The following SPATA13 variants were observed in gnomAD, a reference collection of about 807,000 sequenced individuals.
The protein encoded by SPATA13 is spermatogenesis associated 13.
In SPATA13, 50 loss-of-function variants were observed where a neutral mutation model predicts 104.0. That is an observed-to-expected ratio of 0.48 (90% confidence interval 0.38 to 0.61). SPATA13 has a LOEUF of 0.61. Ranked by LOEUF, SPATA13 falls within the 20% of genes least tolerant of loss-of-function variation. SPATA13 has a pLI of 0.00. For missense variants in SPATA13, 1,524 were observed against 1,690.6 expected (o/e 0.90, Z 1.73); for synonymous variants, 606 against 667.5 (o/e 0.91, Z 1.42).
At chr13:24,295,569 G>A (rs1193011121) in intron 10 of SPATA13, among the ~76,000 whole-genome samples, 1 of 151,920 alleles carries the variant, frequency 6.6e-6, no homozygotes, top group Non-Finnish European at 1.5e-5. Flanking sequence ...CCGTGATCGT[G>A]CCCCTGCACT....
chr13:24,142,018 T>C (rs1881778969), intron 3 of SPATA13, among the ~76,000 whole-genome samples: 1 of 152,102 alleles, frequency 6.6e-6, no homozygotes. Context: ...TTTCCTTTTT[T>C]CCAGAAACAA....
intron 4 of SPATA13, chr13:24,278,928 CTTTCCT>C (rs1875239804): frequency 1.0e-6 from 1 of 967,214 alleles, no homozygotes; most frequent in Admixed American, 4.1e-5. Flanking sequence ...TTCCTTCCCT[CTTTCCT>C]TCCTTCCTTC....
intron 9 of SPATA13, among the ~76,000 whole-genome samples, chr13:24,292,250 G>A (rs1040223892): frequency 6.6e-6 from 1 of 152,228 alleles, no homozygotes; most frequent in African/African-American, 2.4e-5. Context: ...ATTGGAATGT[G>A]CATGCCCATT....
At chr13:24,246,083 T>C (rs1261357776) in intron 2 of SPATA13, among the ~76,000 whole-genome samples, 2 of 152,146 alleles carry the variant, frequency 1.3e-5, no homozygotes, top group Non-Finnish European at 2.9e-5. Flanking sequence ...GTCACGTAAG[T>C]GTAAAACCAA....
intron 3 of SPATA13, among the ~76,000 whole-genome samples, chr13:24,127,967 A>AT (rs1881273606): frequency 6.6e-6 from 1 of 152,236 alleles, no homozygotes; most frequent in South Asian, 2.1e-4. Flanking sequence ...TTTACAGTAA[A>AT]TGACAGCAAA....
intron 3 of SPATA13, among the ~76,000 whole-genome samples, chr13:24,129,201 G>T (rs936563735): frequency 5.3e-5 from 8 of 152,232 alleles, no homozygotes; most frequent in African/African-American, 1.9e-4. Flanking sequence ...GCTAGTGTCG[G>T]GTGGGTTTCC....
intron 1 of SPATA13, among the ~76,000 whole-genome samples, chr13:24,198,191 C>T (rs1006921170): frequency 6.6e-6 from 1 of 152,166 alleles, no homozygotes; most frequent in African/African-American, 2.4e-5. Flanking sequence ...GACGGGGTTT[C>T]ACTGTGTTGG....
At chr13:24,290,909 A>G in intron 9 of SPATA13, 25 bp downstream of exon 9, 1 of 1,585,376 alleles carries the variant, frequency 6.3e-7, no homozygotes, top group Non-Finnish European at 8.6e-7. Flanking sequence ...TAAGGGGCAC[A>G]GGTGAGAGCA....
intron 3 of SPATA13, among the ~76,000 whole-genome samples, chr13:24,139,297 A>G (rs970164897): frequency 1.3e-5 from 2 of 152,282 alleles, no homozygotes; most frequent in Admixed American, 1.3e-4. Context: ...ACTGGACTAC[A>G]TCTGCAGGGA....
intron 3 of SPATA13, among the ~76,000 whole-genome samples, chr13:24,137,768 A>G (rs1460828479): frequency 6.6e-6 from 1 of 152,112 alleles, no homozygotes; most frequent in East Asian, 1.9e-4. Context: ...CTGTCTCTCC[A>G]AAAAAACCCA....
chr13:24,269,100 C>T (rs1874427718), intron 4 of SPATA13, among the ~76,000 whole-genome samples: 1 of 152,160 alleles, frequency 6.6e-6, no homozygotes, highest in South Asian at 2.1e-4. Context: ...AGCGTGACGG[C>T]TAACATTTAT....
intron 3 of SPATA13, among the ~76,000 whole-genome samples, chr13:24,093,617 T>TG (rs1318466865): frequency 6.6e-6 from 1 of 152,180 alleles, no homozygotes; most frequent in Admixed American, 6.5e-5. Flanking sequence ...GGACCAATTG[T>TG]GGGGAGAGGC....
intron 1 of SPATA13, among the ~76,000 whole-genome samples, chr13:24,219,744 G>C (rs972087168): frequency 2.6e-5 from 4 of 152,208 alleles, no homozygotes; most frequent in Non-Finnish European, 5.9e-5. Context: ...CCTGGGGAAG[G>C]AGACACCTGC....
At chr13:24,171,359 G>A (rs922099712) in intron 1 of SPATA13, among the ~76,000 whole-genome samples, 1 of 152,210 alleles carries the variant, frequency 6.6e-6, no homozygotes, top group African/African-American at 2.4e-5. Flanking sequence ...AACACCTGCT[G>A]CTTCCATGGG....
At position 24,249,595 on chromosome 13, in the gene SPATA13, C is replaced by T. The variant is rs1873359573; in HGVS notation, c.1772C>T (p.Ser591Phe). The T allele has an allele frequency of 6.2e-7, 1 of 1,613,926 alleles. No homozygotes were observed. Among genetic ancestry groups the T allele is most frequent in the African/African-American group, 1.3e-5 (1 of 74,946 alleles). ...SGRRPRPRPFSDYGQLASRSL... is the reference protein window; with the variant it reads ...SGRRPRPRPFFDYGQLASRSL... Reference sequence around the variant, plus strand: ...AGACGGCCAAGGCCTCGGCCATTCTCTGACTACGGCCAGCTGGCCAGCCGC... The same window carrying T: ...AGACGGCCAAGGCCTCGGCCATTCTTTGACTACGGCCAGCTGGCCAGCCGC... The change falls in exon 3 of 13, where the codon TCT becomes TTT. Residue 591 changes from serine to phenylalanine, a missense_variant. Ser to Phe is a radical substitution (Grantham distance 155). This residue lies in a region of SPATA13 where 1,089 missense variants were observed against 1,135.9 expected (regional missense o/e 0.96). Transcript: ENST00000382108.
chr13:24,064,997 C>CTAAGGAGA (rs2137758706), intron 3 of SPATA13, among the ~76,000 whole-genome samples: 1 of 50,024 alleles, frequency 2.0e-5, no homozygotes, highest in Non-Finnish European at 5.2e-5. Context: ...GCCACAGGAG[C>CTAAGGAGA]CAGGATAATG....
chr13:24,068,505 T>C (rs991155633), intron 3 of SPATA13, among the ~76,000 whole-genome samples: 1 of 152,232 alleles, frequency 6.6e-6, no homozygotes, highest in Admixed American at 6.5e-5. Context: ...GTAATGAAAT[T>C]GCTTTGTCAA....
At chr13:24,125,883 A>G (rs1881196710) in intron 3 of SPATA13, among the ~76,000 whole-genome samples, 1 of 152,164 alleles carries the variant, frequency 6.6e-6, no homozygotes, top group South Asian at 2.1e-4. Flanking sequence ...AGACGAATGG[A>G]AGGCAAAAGG....
chr13:24,220,830 T>G (rs1323511241), intron 1 of SPATA13, among the ~76,000 whole-genome samples: 1 of 152,190 alleles, frequency 6.6e-6, no homozygotes, highest in African/African-American at 2.4e-5. Context: ...CTGGAAATGA[T>G]GTAGGGGCAA....
Sources: allele counts gnomAD v4.1 joint callset (sites outside exome capture counted in the v4.1 genomes callset), GRCh38; gene constraint gnomAD v4.1.1; regional missense constraint gnomAD v4.1.1; transcripts MANE v1.5; gene names NCBI Gene and HGNC (gene_info 2026-07-23, HGNC 2026-07-21).